Variants in CCDC73 observed in about 807,000 individuals in gnomAD.
CCDC73 encodes the protein coiled-coil domain containing 73.
CCDC73 carries 95 observed loss-of-function variants against 116.5 expected under a neutral mutation model. The observed-to-expected ratio is 0.82, with a 90% CI of 0.69 to 0.97. The LOEUF (loss-of-function observed/expected upper bound fraction) is 0.97, where lower values mean the gene tolerates loss of function less well. CCDC73 is among the 50% of genes least tolerant of loss of function. The probability of loss-of-function intolerance (pLI) is 0.00; values close to 1 mark genes in which losing one functional copy is unlikely to be tolerated. For missense variants in CCDC73, 1,066 were observed against 1,206.8 expected, an observed-to-expected ratio of 0.88 and a Z score of 1.73; for synonymous variants, 398 against 401.3, an observed-to-expected ratio of 0.99 and a Z score of 0.10.
intron 12 of CCDC73, among the ~76,000 whole-genome samples, chr11:32,648,058 T>A (rs151091516): frequency 1.3e-5 from 2 of 152,184 alleles, no homozygotes; most frequent in African/African-American, 4.8e-5. Context: ...TCCAATCTTC[T>A]GCAAAGTAGG....
intron 3 of CCDC73, among the ~76,000 whole-genome samples, chr11:32,716,935 G>A (rs1400842845): frequency 2.0e-5 from 3 of 152,184 alleles, no homozygotes; most frequent in Non-Finnish European, 2.9e-5. Flanking sequence ...GCAAAAACAA[G>A]ATATAACTTT....
At chr11:32,671,716 C>A (rs1407314014) in intron 9 of CCDC73, among the ~76,000 whole-genome samples, 1 of 152,176 alleles carries the variant, frequency 6.6e-6, no homozygotes, top group African/African-American at 2.4e-5. Flanking sequence ...CTTTCAGTTA[C>A]TTGAACTTTG....
At chr11:32,793,626 T>TA (rs1053168869) in intron 1 of CCDC73, among the ~76,000 whole-genome samples, 38 of 151,416 alleles carry the variant, frequency 2.5e-4, no homozygotes, top group East Asian at 1.9e-3. Flanking sequence ...TATTTTATTT[T>TA]TTTAGACAGA....
chr11:32,776,412 G>A (rs751004250), intron 1 of CCDC73, among the ~76,000 whole-genome samples: 2 of 151,882 alleles, frequency 1.3e-5, no homozygotes, highest in African/African-American at 2.4e-5. Context: ...ATATTTCAGG[G>A]TTCCCCACTT....
chr11:32,822,135 G>A, the CCDC73 span, among the ~76,000 whole-genome samples: 1 of 152,136 alleles, frequency 6.6e-6, no homozygotes, highest in Non-Finnish European at 1.5e-5. Context: ...GATTGAAATG[G>A]GAATGTATTT....
upstream of CCDC73, among the ~76,000 whole-genome samples, chr11:32,796,207 T>C (rs1299494467): frequency 6.6e-6 from 1 of 152,238 alleles, no homozygotes; most frequent in African/African-American, 2.4e-5. Flanking sequence ...ATTTATTAAC[T>C]GTATCCTAGG....
intron 1 of CCDC73, among the ~76,000 whole-genome samples, chr11:32,788,936 C>T (rs576371732): frequency 3.3e-5 from 5 of 152,096 alleles, no homozygotes; most frequent in Non-Finnish European, 7.4e-5. Context: ...GGTGCCCAAG[C>T]CTCATTCACT....
At chr11:32,788,019 T>G (rs181959261) in intron 1 of CCDC73, among the ~76,000 whole-genome samples, 67 of 152,338 alleles carry the variant, frequency 4.4e-4, no homozygotes, top group Non-Finnish European at 1.2e-4. Context: ...ACTCATCAGA[T>G]TCTATCTTGT....
Position 32,614,010 on chromosome 11 carries a change from T to C in CCDC73, c.2308A>G (p.Thr770Ala), listed in dbSNP as rs754384702. The C allele has an allele frequency of 6.2e-7, 1 of 1,611,506 alleles. No individual in the cohort carries two copies. Among genetic ancestry groups the C allele is most frequent in the Admixed American group, 1.7e-5 (1 of 60,006 alleles). Residue 770 changes from threonine (T) to alanine (A), a missense_variant, in exon 16 of 18, where the codon ACT (threonine) becomes GCT (alanine). Thr to Ala is a moderately conservative substitution (Grantham distance 58). Transcript: ENST00000335185. ...FNNCLGYLEN[T>A]NVNISHLHLN... ...TGAAGATGGGAAATGTTCACATTAG[T>C]GTTTTCTAAGTATCCCAAACAGTTA...
At chr11:32,741,575 T>C (rs1254294951) in intron 2 of CCDC73, among the ~76,000 whole-genome samples, 2 of 152,060 alleles carry the variant, frequency 1.3e-5, no homozygotes, top group Non-Finnish European at 2.9e-5. Flanking sequence ...TGTGACTTTA[T>C]AGGTGAAGTG....
chr11:32,624,655 C>A (rs2081523791), intron 14 of CCDC73, among the ~76,000 whole-genome samples: 1 of 152,096 alleles, frequency 6.6e-6, no homozygotes, highest in Admixed American at 6.6e-5. Context: ...ACCATTTGAC[C>A]CAGCAATTCC....
At chr11:32,690,878 A>G (rs1856251236) in intron 6 of CCDC73, among the ~76,000 whole-genome samples, 1 of 152,138 alleles carries the variant, frequency 6.6e-6, no homozygotes, top group African/African-American at 2.4e-5. Context: ...TATCACCCAA[A>G]GTTCACAGCT....
At chr11:32,711,767 CA>C (rs947663617) in intron 3 of CCDC73, among the ~76,000 whole-genome samples, 20 of 152,052 alleles carry the variant, frequency 1.3e-4, no homozygotes. Flanking sequence ...TTGAAAAAAA[CA>C]AAAACAAAAA....
In CCDC73 at chr11:32,615,998, T is replaced by C. The variant is rs1445137662; in HGVS notation, c.1317A>G (p.Glu439=). The C allele has an allele frequency of 6.2e-7, 1 of 1,600,340 alleles. No homozygotes were observed. The highest frequency in any genetic ancestry group is 1.7e-5 in the Admixed American group (1 of 58,890). The stretch of plus-strand genomic sequence containing the variant: ...CTTTTTTTTCTTCTTTTTCTCTGTA[T>C]TCAGTATCTGAACAAAAATTCTCCA... ...ENMENFCSDT[E]YREKEEKKEG... is the part of the protein sequence containing the mutation. The change falls in exon 15 of 18, where the codon GAA becomes GAG. Residue 439 remains glutamate (E), a synonymous_variant. Transcript: ENST00000335185.
chr11:32,602,958 AGTC>A lies in CCDC73; in HGVS notation c.3090_3092del (p.Thr1031del). ...AGTCATCATCACCAGAAGTATTTTT[AGTC>A]GTCTTGATTGCCTGCAAATGGCTTT... On this transcript the variant is annotated inframe_deletion, in exon 18 of 18. Coordinates refer to ENST00000335185, the MANE Select transcript of CCDC73 (RefSeq NM_001008391.4). 1 of 1,613,558 alleles carries A rather than the reference AGTC, an allele frequency of 6.2e-7. No homozygotes were observed. The highest frequency in any genetic ancestry group is 8.5e-7 in the Non-Finnish European group (1 of 1,179,816).
the CCDC73 span, among the ~76,000 whole-genome samples, chr11:32,810,144 G>A: frequency 0.017 from 2,584 of 152,260 alleles, 81 homozygotes; most frequent in African/African-American, 0.059. Flanking sequence ...GAAGAAAGAT[G>A]CATAGATTGT....
At chr11:32,828,148 T>C in the CCDC73 span, among the ~76,000 whole-genome samples, 5 of 152,166 alleles carry the variant, frequency 3.3e-5, no homozygotes, top group Non-Finnish European at 5.9e-5. Context: ...TGATTATCAA[T>C]AATAATAATA....
intron 2 of CCDC73, among the ~76,000 whole-genome samples, chr11:32,725,950 A>T (rs1273291507): frequency 6.6e-6 from 1 of 152,152 alleles, no homozygotes. Flanking sequence ...TTTTAGTTGG[A>T]ACCCCAAAGA....
intron 2 of CCDC73, among the ~76,000 whole-genome samples, chr11:32,750,731 T>C (rs757153479): frequency 6.6e-6 from 1 of 151,956 alleles, no homozygotes; most frequent in Non-Finnish European, 1.5e-5. Context: ...TGGCCCAGGG[T>C]AGGTCCAGAG....
Sources: gnomAD v4.1 joint callset for allele counts (sites outside exome capture counted in the v4.1 genomes callset) on GRCh38, gnomAD v4.1.1 for gene constraint, MANE v1.5 for transcripts, NCBI Gene and HGNC (gene_info 2026-07-23, HGNC 2026-07-21) for gene names.